The following ATXN1 variants were observed in gnomAD, a reference collection of about 807,000 sequenced individuals.
ATXN1 encodes ataxin 1.
ATXN1 carries 8 observed loss-of-function variants against 56.4 expected under a neutral mutation model. The observed-to-expected ratio is 0.14, with a 90% CI of 0.08 to 0.26. The LOEUF (loss-of-function observed/expected upper bound fraction) is 0.26. Ranked by LOEUF, ATXN1 falls within the 10% of genes least tolerant of loss-of-function variation. The pLI is 1.00. For missense variants in ATXN1, 987 were observed against 1,106.5 expected (o/e 0.89, Z 1.53); for synonymous variants, 514 against 494.6 (o/e 1.04, Z -0.52).
intron 2 of ATXN1, among the ~76,000 whole-genome samples, chr6:16,703,963 G>A (rs1003013075): frequency 1.3e-5 from 2 of 152,202 alleles, no homozygotes; most frequent in Non-Finnish European, 1.5e-5. Flanking sequence ...AGGTTGCAGT[G>A]AGCTGAGATC....
intron 6 of ATXN1, among the ~76,000 whole-genome samples, chr6:16,330,390 C>CTTTTTTT (rs60608169): frequency 8.3e-6 from 1 of 119,826 alleles, no homozygotes. Flanking sequence ...TCCTTCCTTC[C>CTTTTTTT]TTTTTTTTTT....
At chr6:16,397,077 G>T (rs1235967214) in intron 6 of ATXN1, among the ~76,000 whole-genome samples, 1 of 152,156 alleles carries the variant, frequency 6.6e-6, no homozygotes, top group African/African-American at 2.4e-5. Flanking sequence ...ATTATTAAGT[G>T]ATGCACGACT....
At chr6:16,333,455 C>T (rs1385665515) in intron 6 of ATXN1, among the ~76,000 whole-genome samples, 1 of 152,134 alleles carries the variant, frequency 6.6e-6, no homozygotes, top group East Asian at 1.9e-4. Context: ...ACTGCAAGTC[C>T]AGTAAATAGC....
At chr6:16,499,633 T>C (rs1347049229) in intron 5 of ATXN1, among the ~76,000 whole-genome samples, 1 of 152,224 alleles carries the variant, frequency 6.6e-6, no homozygotes, top group African/African-American at 2.4e-5. Flanking sequence ...CACAGACCTC[T>C]GTTCTCTTTC....
At chr6:16,713,883 C>T (rs989053962) in intron 2 of ATXN1, among the ~76,000 whole-genome samples, 4 of 152,202 alleles carry the variant, frequency 2.6e-5, no homozygotes, top group Non-Finnish European at 5.9e-5. Flanking sequence ...CCTGGCCGCG[C>T]GTAGTAACTC....
chr6:16,680,677 G>A (rs1758794767), intron 2 of ATXN1, among the ~76,000 whole-genome samples: 1 of 152,118 alleles, frequency 6.6e-6, no homozygotes, highest in South Asian at 2.1e-4. Context: ...CAAGTAATGG[G>A]TGTTTTTCAC....
chr6:16,362,939 C>G (rs1761842325), intron 6 of ATXN1, among the ~76,000 whole-genome samples: 1 of 152,210 alleles, frequency 6.6e-6, no homozygotes, highest in Non-Finnish European at 1.5e-5. Flanking sequence ...TTTAAGTAAG[C>G]ACTCTTCTAG....
chr6:16,490,727 T>G (rs967902429), intron 5 of ATXN1, among the ~76,000 whole-genome samples: 1 of 152,230 alleles, frequency 6.6e-6, no homozygotes, highest in African/African-American at 2.4e-5. Flanking sequence ...GGCTGTTATC[T>G]GGGCTGGGAT....
intron 6 of ATXN1, among the ~76,000 whole-genome samples, chr6:16,345,773 T>G (rs2113448686): frequency 6.6e-6 from 1 of 152,266 alleles, no homozygotes; most frequent in East Asian, 1.9e-4. Flanking sequence ...TGCAGCTGTT[T>G]TCAATAAAAA....
At chr6:16,437,285 T>C (rs970401547) in intron 6 of ATXN1, among the ~76,000 whole-genome samples, 12 of 152,220 alleles carry the variant, frequency 7.9e-5, no homozygotes, top group Non-Finnish European at 1.5e-4. Context: ...CACTTGTGAT[T>C]AGGCTGTATC....
chr6:16,550,202 A>T (rs1761895743), intron 4 of ATXN1, among the ~76,000 whole-genome samples: 1 of 150,448 alleles, frequency 6.6e-6, no homozygotes, highest in African/African-American at 2.4e-5. Context: ...TTATGGACAC[A>T]CCCTAGCAAG....
Position 16,319,533 on chromosome 6 carries a change from C to T in ATXN1, c.1917+6861G>A, listed in dbSNP as rs548881508. 2.6e-5 allele frequency among the ~76,000 whole-genome samples: 4 copies of T among 152,254 alleles called. No individual in the cohort carries two copies. In the South Asian group the frequency reaches 8.3e-4, roughly 32 times the overall value. On this transcript the variant is annotated intron_variant, in intron 7 of 7. Coordinates refer to ENST00000436367, the MANE Select transcript of ATXN1 (RefSeq NM_001128164.2). ...TAATGTAATGCTGGATACATGACAT[C>T]ATAAATTCATCAAAAACAGCATGTA...
chr6:16,623,515 A>G (rs1473552117), intron 3 of ATXN1, among the ~76,000 whole-genome samples: 1 of 152,210 alleles, frequency 6.6e-6, no homozygotes, highest in Non-Finnish European at 1.5e-5. Flanking sequence ...CATCACAATC[A>G]ACTACGCAAG....
At chr6:16,573,734 A>G (rs1762373016) in intron 4 of ATXN1, among the ~76,000 whole-genome samples, 1 of 152,080 alleles carries the variant, frequency 6.6e-6, no homozygotes, top group Non-Finnish European at 1.5e-5. Context: ...CCCCTCCAAC[A>G]TATCCCATGC....
At chr6:16,546,455 C>G (rs1312405841) in intron 4 of ATXN1, among the ~76,000 whole-genome samples, 1 of 152,210 alleles carries the variant, frequency 6.6e-6, no homozygotes, top group African/African-American at 2.4e-5. Flanking sequence ...ACCCCCAACT[C>G]CCATCTCTCT....
At chr6:16,346,253 C>T (rs1258377897) in intron 6 of ATXN1, among the ~76,000 whole-genome samples, 1 of 152,148 alleles carries the variant, frequency 6.6e-6, no homozygotes, top group Non-Finnish European at 1.5e-5. Flanking sequence ...AGGGTTATAT[C>T]ATGTTGGCCA....
intron 4 of ATXN1, among the ~76,000 whole-genome samples, chr6:16,530,397 T>A (rs1761480942): frequency 6.6e-6 from 1 of 152,246 alleles, no homozygotes; most frequent in Non-Finnish European, 1.5e-5. Flanking sequence ...ACTGTATCAA[T>A]GCCCATCACT....
chr6:16,451,427 T>C (rs952560595), intron 6 of ATXN1, among the ~76,000 whole-genome samples: 1 of 152,164 alleles, frequency 6.6e-6, no homozygotes, highest in Non-Finnish European at 1.5e-5. Context: ...ATCACACCAC[T>C]GCACTCCAGC....
chr6:16,572,899 A>C (rs1015485008), intron 4 of ATXN1, among the ~76,000 whole-genome samples: 3 of 152,188 alleles, frequency 2.0e-5, no homozygotes, highest in South Asian at 2.1e-4. Flanking sequence ...GGCAGAGTTA[A>C]GTGGGGCATG....
Sources: gnomAD v4.1 joint callset for allele counts (sites outside exome capture counted in the v4.1 genomes callset) on GRCh38, gnomAD v4.1.1 for gene constraint, MANE v1.5 for transcripts, NCBI Gene and HGNC (gene_info 2026-07-23, HGNC 2026-07-21) for gene names.